The following ZNF329 variants were observed in gnomAD, a reference collection of about 807,000 sequenced individuals.
ZNF329 encodes the protein zinc finger protein 329.
Under a neutral mutation model 26.6 loss-of-function variants are expected in ZNF329, and 15 were observed. The observed-to-expected ratio is 0.56, with a 90% confidence interval of 0.38 to 0.87. The LOEUF (loss-of-function observed/expected upper bound fraction) is 0.87. ZNF329 is among the 40% of genes least tolerant of loss of function. The pLI is 0.00. For synonymous variants in ZNF329, 239 were observed against 233.5 expected (o/e 1.02, Z -0.21); for missense variants, 651 against 651.9 (o/e 1.00, Z 0.02).
At position 58,128,743 on chromosome 19, in the gene ZNF329, G is replaced by C; in HGVS notation, c.761C>G (p.Thr254Arg). 6.2e-7 allele frequency: 1 copy of C among 1,606,760 alleles called. No homozygotes were observed. Among genetic ancestry groups the C allele is most frequent in the East Asian group, 2.2e-5 (1 of 44,854 alleles). Reference protein sequence around the residue: ...YNLIVHQRIHTGEKPYECSKC... With the variant: ...YNLIVHQRIHRGEKPYECSKC... Reference sequence around the variant, plus strand: ...ACTGCATTCATAGGGCTTCTCTCCTGTGTGGATTCTTTGATGCACAATCAG... The same window carrying C: ...ACTGCATTCATAGGGCTTCTCTCCTCTGTGGATTCTTTGATGCACAATCAG... The change falls in exon 4 of 4, where the codon ACA becomes AGA. Residue 254 changes from threonine to arginine, a missense_variant. Physicochemically the swap from Thr to Arg is moderately conservative, Grantham distance 71. Transcript: ENST00000598312.
At chr19:58,144,396 A>ATGTTT (rs756544055) in intron 1 of ZNF329, among the ~76,000 whole-genome samples, 1 of 127,662 alleles carries the variant, frequency 7.8e-6, no homozygotes, top group South Asian at 2.5e-4. Context: ...ATATATATAT[A>ATGTTT]TTTTTTTTTT....
chr19:58,129,412 A>T lies in ZNF329; in HGVS notation c.92T>A (p.Leu31Ter). 6.2e-7 allele frequency: 1 copy of T among 1,614,186 alleles called. No individual in the cohort carries two copies. The highest frequency in any genetic ancestry group is 8.5e-7 in the Non-Finnish European group (1 of 1,180,028). Reference protein sequence around the residue: ...VERFTREVPCLSSLGDGWDCE... With the variant: ...VERFTREVPC ...GTCCCAACCATCACCTAAACTGGAC[A>T]AGCAGGGAACTTCCCTTGTGAATCT... The change falls in exon 4 of 4, where the codon TTG (leucine) becomes TAG (stop). Residue 31 changes from leucine (L) to a stop codon, truncating the protein, a stop_gained. Transcript: ENST00000598312. LOFTEE classifies it low-confidence loss of function (END_TRUNC).
upstream of ZNF329, among the ~76,000 whole-genome samples, chr19:58,152,409 C>T (rs1402535777): frequency 6.7e-6 from 1 of 148,508 alleles, no homozygotes; most frequent in Non-Finnish European, 1.5e-5. Context: ...TGCCTGCAAT[C>T]CTAGTACTCG....
intron 1 of ZNF329, among the ~76,000 whole-genome samples, chr19:58,149,920 G>A (rs1433106037): frequency 6.6e-6 from 1 of 152,160 alleles, no homozygotes; most frequent in Non-Finnish European, 1.5e-5. Flanking sequence ...GAGAAGTGTT[G>A]TGATATCTGC....
At chr19:58,133,100 C>T (rs2074985132) in intron 3 of ZNF329, among the ~76,000 whole-genome samples, 1 of 152,194 alleles carries the variant, frequency 6.6e-6, no homozygotes, top group South Asian at 2.1e-4. Flanking sequence ...GCGTGAGCCA[C>T]CGCGCCTGGC....
chr19:58,132,048 A>C (rs2074958860), intron 3 of ZNF329, among the ~76,000 whole-genome samples: 1 of 152,096 alleles, frequency 6.6e-6, no homozygotes, highest in Non-Finnish European at 1.5e-5. Context: ...AGAAAGAAAA[A>C]AAAGAAATGT....
rs2074832372 is a variant in ZNF329, at chr19:58,127,806, A to C, written c.*72T>G. 5 of 1,361,182 alleles carry C rather than the reference A, an allele frequency of 3.7e-6. No individual in the cohort carries two copies. The highest frequency in any genetic ancestry group is 4.6e-5 in the East Asian group (2 of 43,302). The allele number at this position is 1,361,182 out of a possible 1,614,324, so 84.3% of individuals were successfully genotyped here. A position where few individuals can be genotyped will look rare whatever the true frequency, so the allele number is the denominator to read the frequency against. On this transcript the variant is annotated 3_prime_UTR_variant, in exon 4 of 4. Coordinates refer to ENST00000598312, the MANE Select transcript of ZNF329 (RefSeq NM_024620.4). ...GATTCTTTTCTACTGACCAGAGAGG[A>C]GTCAGATCTAAGACACGCCTCCTAA...
chr19:58,130,868 G>A (rs1308878525), intron 3 of ZNF329, among the ~76,000 whole-genome samples: 1 of 151,950 alleles, frequency 6.6e-6, no homozygotes, highest in Non-Finnish European at 1.5e-5. Context: ...GTGGGATCGG[G>A]TCTCGCTCTG....
chr19:58,146,248 C>A (rs897566057), intron 1 of ZNF329, among the ~76,000 whole-genome samples: 1 of 152,080 alleles, frequency 6.6e-6, no homozygotes. Context: ...CCAAGGTGGG[C>A]AGATCACTTG....
intron 3 of ZNF329, among the ~76,000 whole-genome samples, chr19:58,131,272 T>C (rs139434251): frequency 9.9e-5 from 15 of 152,008 alleles, no homozygotes; most frequent in East Asian, 1.9e-4. Context: ...TGGCCAAGCA[T>C]TGGGGGTCAT....
rs1437210703 is a variant in ZNF329, at chr19:58,128,729, A to G, written c.775T>C (p.Tyr259His). Residue 259 changes from tyrosine to histidine, a missense_variant, in exon 4 of 4, where the codon TAT (tyrosine) becomes CAT (histidine). Physicochemically the swap from Tyr to His is moderately conservative, Grantham distance 83. Transcript: ENST00000598312. ...HQRIHTGEKP[Y>H]ECSKCGKAFS... The stretch of plus-strand genomic sequence containing the variant: ...GCTTTCCCACATTTACTGCATTCAT[A>G]GGGCTTCTCTCCTGTGTGGATTCTT... 6.2e-7 allele frequency: 1 copy of G among 1,607,852 alleles called. No individual in the cohort carries two copies. The highest frequency in any genetic ancestry group is 1.3e-5 in the African/African-American group (1 of 74,788).
Position 58,128,626 on chromosome 19 carries a change from C to T in ZNF329, c.878G>A (p.Gly293Glu). 1 of 1,608,670 alleles carries T rather than the reference C, an allele frequency of 6.2e-7. No homozygotes were observed. Among genetic ancestry groups the T allele is most frequent in the East Asian group, 2.2e-5 (1 of 44,836 alleles). Residue 293 changes from glycine (G) to glutamate (E), a missense_variant, in exon 4 of 4, where the codon GGA becomes GAA. Coordinates refer to ENST00000598312, the MANE Select transcript of ZNF329 (RefSeq NM_024620.4). ...GEKPYECLEC[G>E]KTFNRNSSLI... ...GGATGAATTTCGGTTGAAGGTTTTTCCACACTCTAGGCATTCATAAGGTTT... is the reference window on the plus strand; with the variant it reads ...GGATGAATTTCGGTTGAAGGTTTTTTCACACTCTAGGCATTCATAAGGTTT...
chr19:58,148,805 C>CT (rs752941387), intron 1 of ZNF329, among the ~76,000 whole-genome samples: 2 of 152,160 alleles, frequency 1.3e-5, no homozygotes, highest in Non-Finnish European at 2.9e-5. Flanking sequence ...GCCAAAAAAA[C>CT]TAAGTGTATG....
intron 3 of ZNF329, among the ~76,000 whole-genome samples, chr19:58,139,743 A>G (rs2075144907): frequency 6.6e-6 from 1 of 152,222 alleles, no homozygotes; most frequent in Non-Finnish European, 1.5e-5. Context: ...TTCCCCAAAG[A>G]AGTCATACAA....
At position 58,149,403 on chromosome 19, in the gene ZNF329, T is replaced by C. The variant is rs78833533; in HGVS notation, c.-208+1349A>G. On this transcript the variant is annotated intron_variant, in intron 1 of 3. Coordinates refer to ENST00000598312, the MANE Select transcript of ZNF329 (RefSeq NM_024620.4). ...TTTCCCAAGATATAAGAACCCTCTGTTGGGTTATAGCTCGGGACCCCCTTT... is the reference window on the plus strand; with the variant it reads ...TTTCCCAAGATATAAGAACCCTCTGCTGGGTTATAGCTCGGGACCCCCTTT... Among the ~76,000 whole-genome samples, 424 of 152,270 alleles carry C rather than the reference T, an allele frequency of 2.8e-3. 1 individual carries two copies. Among genetic ancestry groups the C allele is most frequent in the African/African-American group, 9.8e-3 (407 of 41,546 alleles).
upstream of ZNF329, among the ~76,000 whole-genome samples, chr19:58,154,033 G>A (rs1276646569): frequency 6.7e-6 from 1 of 148,412 alleles, no homozygotes; most frequent in Non-Finnish European, 1.5e-5. Flanking sequence ...AGACAGTCTT[G>A]CTCTATCGCC....
intron 1 of ZNF329, among the ~76,000 whole-genome samples, chr19:58,149,044 A>C (rs947635453): frequency 2.0e-5 from 3 of 152,248 alleles, no homozygotes; most frequent in Non-Finnish European, 4.4e-5. Context: ...GATACAGGTC[A>C]TAAAGACCTT....
At position 58,127,768 on chromosome 19, in the gene ZNF329, G is replaced by A; in HGVS notation, c.*110C>T. The A allele has an allele frequency of 9.2e-7, 1 of 1,087,880 alleles. No individual in the cohort carries two copies. The allele number at this position is 1,087,880 out of a possible 1,614,324, so 67.4% of individuals were successfully genotyped here. A position where few individuals can be genotyped will look rare whatever the true frequency, so the allele number is the denominator to read the frequency against. On this transcript the variant is annotated 3_prime_UTR_variant, in exon 4 of 4. Coordinates refer to ENST00000598312, the MANE Select transcript of ZNF329 (RefSeq NM_024620.4). The stretch of plus-strand genomic sequence containing the variant: ...AATGTCTCACATTCATCAATTCACT[G>A]GATAGCTTAAAGGATTCTTTTCTAC...
chr19:58,151,619 A>AG (rs1360765053), upstream of ZNF329, among the ~76,000 whole-genome samples: 1 of 152,022 alleles, frequency 6.6e-6, no homozygotes, highest in Non-Finnish European at 1.5e-5. Flanking sequence ...AAAAAAAAAA[A>AG]AAGGACTAAC....
Sources: allele counts gnomAD v4.1 joint callset (sites outside exome capture counted in the v4.1 genomes callset), GRCh38; gene constraint gnomAD v4.1.1; transcripts MANE v1.5; gene names NCBI Gene and HGNC (gene_info 2026-07-23, HGNC 2026-07-21).